The following MYO18A variants were observed in gnomAD, a reference collection of about 807,000 sequenced individuals.
MYO18A encodes unconventional myosin-XVIIIa.
Under a neutral mutation model 235.8 loss-of-function variants are expected in MYO18A, and 78 were observed. That is an observed-to-expected ratio of 0.33 (90% CI 0.28 to 0.40). The LOEUF is 0.40. Ranked by LOEUF, MYO18A falls within the 10% of genes least tolerant of loss-of-function variation. The pLI, the probability that MYO18A is intolerant of heterozygous loss-of-function variation, is 1.00. For missense variants in MYO18A, 2,215 were observed against 2,699.3 expected, an observed-to-expected ratio of 0.82 and a Z score of 3.98; for synonymous variants, 977 against 1,077.8, an observed-to-expected ratio of 0.91 and a Z score of 1.83.
Position 29,165,924 on chromosome 17 carries a change from G to GC in MYO18A, c.999+17dup. On this transcript the variant is annotated intron_variant, in intron 2 of 41. Coordinates refer to ENST00000527372, the MANE Select transcript of MYO18A (RefSeq NM_078471.4). ...TTCCCCATCCCTGCTTAGCCCAGGT[G>GC]CCCAGGGAAGCACTCACATCGGATG... 6.2e-7 allele frequency: 1 copy of GC among 1,601,640 alleles called. No homozygotes were observed. The highest frequency in any genetic ancestry group is 8.5e-7 in the Non-Finnish European group (1 of 1,172,274).
chr17:29,157,936 G>A (rs2068094240), intron 2 of MYO18A, among the ~76,000 whole-genome samples: 1 of 152,176 alleles, frequency 6.6e-6, no homozygotes, highest in Non-Finnish European at 1.5e-5. Flanking sequence ...TGGGACTACA[G>A]GTGTGCATTA....
At chr17:29,160,761 T>C (rs2068154324) in intron 2 of MYO18A, among the ~76,000 whole-genome samples, 4 of 152,220 alleles carry the variant, frequency 2.6e-5, no homozygotes, top group Admixed American at 2.6e-4. Context: ...CCCGACAGCC[T>C]GAAAGCCTTT....
At position 29,118,436 on chromosome 17, in the gene MYO18A, C is replaced by G. The variant is rs747635574; in HGVS notation, c.1834G>C (p.Glu612Gln). ...TCTGCCAAGTGGTTGAGGTGGAGCT[C>G]TGTCCTAGGGGTACAAATAAGGCAT... The part of the protein sequence containing the change: ...LACGDGTLRT[E>Q]LHLNHLAENN... The change falls in exon 9 of 42, where the codon GAG becomes CAG. Residue 612 changes from glutamate to glutamine, a missense_variant. By Grantham distance (29) the Glu-to-Gln change is conservative (BLOSUM62 2). Transcript: ENST00000527372. The surrounding 1 kb of genome is among the most constrained non-coding windows in gnomAD (Gnocchi z 4.2). The G allele has an allele frequency of 3.1e-6, 5 of 1,605,520 alleles. No individual in the cohort carries two copies. The highest frequency in any genetic ancestry group is 3.4e-5 in the Admixed American group (2 of 59,596).
chr17:29,166,814 G>C lies in MYO18A; in HGVS notation c.127C>G (p.Arg43Gly), dbSNP rs762579319. 6 of 1,601,054 alleles carry C rather than the reference G, an allele frequency of 3.7e-6. No individual in the cohort carries two copies. Among genetic ancestry groups the C allele is most frequent in the Non-Finnish European group, 4.3e-6 (5 of 1,174,386 alleles). The change falls in exon 2 of 42, where the codon CGT becomes GGT. Residue 43 changes from arginine (R) to glycine (G), a missense_variant. By Grantham distance (125) the Arg-to-Gly change is moderately radical. Coordinates refer to ENST00000527372, the MANE Select transcript of MYO18A (RefSeq NM_078471.4). ...LRSLEEMSLR[R>G]GFFNLNRSSK... ...GAGCGGTTCAGGTTGAAGAAGCCACGTCGCAGGCTCATCTCCTCCAGGCTC... is the reference window on the plus strand; with the variant it reads ...GAGCGGTTCAGGTTGAAGAAGCCACCTCGCAGGCTCATCTCCTCCAGGCTC...
Position 29,097,894 on chromosome 17 carries a change from C to T in MYO18A, c.3996G>A (p.Gln1332=), listed in dbSNP as rs1210113907. ...CCATCTGCTTCTTCAGTGCATCGTA[C>T]TGGGTCTGCAGAAGACAGGGTTTCA... is the stretch of plus-strand genomic sequence containing the variant. ...AEKEMKELQT[Q]YDALKKQMEV... The change falls in exon 26 of 42, where the codon CAG becomes CAA. Residue 1332 remains glutamine, a synonymous_variant. Coordinates refer to ENST00000527372, the MANE Select transcript of MYO18A (RefSeq NM_078471.4). 4.3e-6 allele frequency: 7 copies of T among 1,612,548 alleles called. No homozygotes were observed. The highest frequency in any genetic ancestry group is 5.9e-6 in the Non-Finnish European group (7 of 1,179,218).
intron 23 of MYO18A, 46 bp from the exon 24 acceptor site, chr17:29,098,491 G>A (rs541163254): frequency 1.2e-6 from 2 of 1,604,952 alleles, no homozygotes; most frequent in East Asian, 2.2e-5. Context: ...GCACTGCGAG[G>A]GATTGGGGCC....
chr17:29,138,353 C>T (rs2067656031), intron 2 of MYO18A, among the ~76,000 whole-genome samples: 1 of 152,064 alleles, frequency 6.6e-6, no homozygotes, highest in Non-Finnish European at 1.5e-5. Flanking sequence ...TGACAGCACT[C>T]ACACACCGGA....
intron 20 of MYO18A, 68 bp from the exon 21 acceptor site, chr17:29,103,732 G>C: frequency 6.7e-7 from 1 of 1,489,058 alleles, no homozygotes; most frequent in African/African-American, 1.4e-5. Context: ...CTTTCTCCAG[G>C]CCCTTGGCCC....
intron 2 of MYO18A, among the ~76,000 whole-genome samples, chr17:29,160,706 T>C (rs2068152753): frequency 6.6e-6 from 1 of 152,178 alleles, no homozygotes; most frequent in African/African-American, 2.4e-5. Flanking sequence ...CAAACCCACC[T>C]GAGCGTGGAG....
chr17:29,082,280 G>T (rs759278861), intron 41 of MYO18A, 36 bp downstream of exon 41: 4 of 1,612,736 alleles, frequency 2.5e-6, no homozygotes, highest in East Asian at 2.2e-5. Context: ...GTGGCACAAG[G>T]TGGCTTTTCC....
At chr17:29,103,223 C>T (rs1015035409) in intron 21 of MYO18A, among the ~76,000 whole-genome samples, 1 of 152,254 alleles carries the variant, frequency 6.6e-6, no homozygotes, top group Non-Finnish European at 1.5e-5. Context: ...CCCAAGGCCT[C>T]CTGCCTCTTC....
At position 29,121,143 on chromosome 17, in the gene MYO18A, G is replaced by A. The variant is rs772969442; in HGVS notation, c.1440C>T (p.Thr480=). The change falls in exon 6 of 42, where the codon ACC becomes ACT. Residue 480 remains threonine (T), a synonymous_variant. Transcript: ENST00000527372. The surrounding 1 kb of genome is among the most constrained non-coding windows in gnomAD (Gnocchi z 4.2). ...GGCTCATCAGCATCGCCCTGTATGC[G>A]GTCTGGGCCACTGCATAGATGTGGG... ...MAPHIYAVAQ[T]AYRAMLMSRQ... The A allele has an allele frequency of 2.0e-5, 33 of 1,610,648 alleles. No homozygotes were observed. The highest frequency in any genetic ancestry group is 4.5e-5 in the East Asian group (2 of 44,770).
At chr17:29,108,020 C>T (rs1200686631) in intron 19 of MYO18A, among the ~76,000 whole-genome samples, 3 of 151,916 alleles carry the variant, frequency 2.0e-5, no homozygotes, top group Non-Finnish European at 4.4e-5. Context: ...TGACCTTGGG[C>T]CAGTCACTCA....
intron 2 of MYO18A, among the ~76,000 whole-genome samples, chr17:29,136,126 G>C (rs1260185321): frequency 6.6e-6 from 1 of 151,902 alleles, no homozygotes; most frequent in Non-Finnish European, 1.5e-5. Flanking sequence ...GTACTGGGGA[G>C]GCTGAGGTGG....
chr17:29,101,861 G>A (rs1464354765), intron 21 of MYO18A, among the ~76,000 whole-genome samples: 1 of 152,122 alleles, frequency 6.6e-6, no homozygotes, highest in Non-Finnish European at 1.5e-5. Flanking sequence ...GTCCTTTTGG[G>A]TATTGGGTGA....
intron 2 of MYO18A, among the ~76,000 whole-genome samples, chr17:29,164,465 C>T (rs1567643168): frequency 1.3e-5 from 2 of 152,210 alleles, no homozygotes; most frequent in Non-Finnish European, 2.9e-5. Context: ...CACTGCCAGC[C>T]CCTCTTCAGG....
chr17:29,109,785 A>AGGTGGGTCGCT lies in MYO18A; in HGVS notation c.3331+72_3331+73insAGCGACCCACC. On this transcript the variant is annotated intron_variant, in intron 19 of 41. Transcript: ENST00000527372. The surrounding 1 kb of genome is among the most constrained non-coding windows in gnomAD (Gnocchi z 4.1). ...AGCCCCACTGCAGCCCACGGGTCGC[A>AGGTGGGTCGCT]GGTGGGAGGTGGGGCCGGGCAGGGC... 1 of 1,510,304 alleles carries AGGTGGGTCGCT rather than the reference A, an allele frequency of 6.6e-7. No individual in the cohort carries two copies. The highest frequency in any genetic ancestry group is 1.2e-5 in the South Asian group (1 of 80,552). The allele number at this position is 1,510,304 out of a possible 1,614,324, so 93.6% of individuals were successfully genotyped here.
chr17:29,084,637 T>TTG (rs2066206658), intron 40 of MYO18A, among the ~76,000 whole-genome samples: 1 of 152,082 alleles, frequency 6.6e-6, no homozygotes, highest in Non-Finnish European at 1.5e-5. Context: ...GGGATATTAA[T>TTG]TGTGTGTGAC....
intron 21 of MYO18A, among the ~76,000 whole-genome samples, 157 bp downstream of exon 21, chr17:29,103,442 C>T (rs1395652669): frequency 6.6e-6 from 1 of 152,366 alleles, no homozygotes; most frequent in Admixed American, 6.5e-5. Context: ...GGGGGCAGCC[C>T]CTGAGTGGCT....
Sources: gnomAD v4.1 joint callset for allele counts (sites outside exome capture counted in the v4.1 genomes callset) on GRCh38, gnomAD v4.1.1 for gene constraint, Gnocchi (gnomAD v3.1) non-coding constraint, MANE v1.5 for transcripts, NCBI Gene and HGNC (gene_info 2026-07-23, HGNC 2026-07-21) for gene names.